GALNT7: variants seen among roughly 807,000 people sequenced by gnomAD.
The protein encoded by GALNT7 is N-acetylgalactosaminyltransferase 7.
Under a neutral mutation model 82.1 loss-of-function variants are expected in GALNT7, and 60 were observed. The observed-to-expected ratio is 0.73, with a 90% confidence interval of 0.59 to 0.91. The LOEUF is 0.91. Among genes scored for constraint, GALNT7 ranks in the 40% least tolerant of loss-of-function variants. GALNT7 has a pLI of 0.00. For synonymous variants in GALNT7, 243 were observed against 275.1 expected (o/e 0.88, Z 1.15); for missense variants, 660 against 804.2 (o/e 0.82, Z 2.17).
At chr4:173,256,459 A>G (rs1402962555) in intron 2 of GALNT7, among the ~76,000 whole-genome samples, 2 of 152,170 alleles carry the variant, frequency 1.3e-5, no homozygotes, top group South Asian at 2.1e-4. Context: ...TGGTTTCTTT[A>G]GGGCTCTGGT....
At chr4:173,201,024 T>A (rs192510989) in intron 1 of GALNT7, among the ~76,000 whole-genome samples, 62 of 152,326 alleles carry the variant, frequency 4.1e-4, no homozygotes, top group African/African-American at 1.1e-3. Context: ...TCTGTGAGAT[T>A]TATCCATCAC....
At chr4:173,240,298 A>C (rs1015100643) in intron 1 of GALNT7, among the ~76,000 whole-genome samples, 1 of 152,108 alleles carries the variant, frequency 6.6e-6, no homozygotes, top group African/African-American at 2.4e-5. Flanking sequence ...TTAAATGTCA[A>C]ATACTTACTA....
At chr4:173,308,479 G>C (rs1378820081) in intron 8 of GALNT7, among the ~76,000 whole-genome samples, 2 of 151,958 alleles carry the variant, frequency 1.3e-5, no homozygotes, top group Non-Finnish European at 2.9e-5. Flanking sequence ...TGCATAATAA[G>C]CAAAATCGAA....
At chr4:173,200,228 C>A (rs1561151373) in intron 1 of GALNT7, among the ~76,000 whole-genome samples, 1 of 152,020 alleles carries the variant, frequency 6.6e-6, no homozygotes, top group East Asian at 1.9e-4. Flanking sequence ...AGTCAGTCAC[C>A]TTTTGCAACA....
chr4:173,252,311 G>C (rs1177141228), intron 2 of GALNT7, among the ~76,000 whole-genome samples: 1 of 152,196 alleles, frequency 6.6e-6, no homozygotes, highest in Non-Finnish European at 1.5e-5. Context: ...TGCCGCTTCA[G>C]AACACAGGCC....
rs1166152735 is a variant in GALNT7, at chr4:173,313,999, A to G, written c.1431A>G (p.Lys477=). The stretch of plus-strand genomic sequence containing the variant: ...TGGAGGTTTGGTGGGATGAATATAA[A>G]GACTACTTCTATGCTAGTCGTCCTG... ...RVVEVWWDEY[K]DYFYASRPES... Residue 477 remains lysine (K), a synonymous_variant, in exon 9 of 12, where the codon AAA becomes AAG. Transcript: ENST00000265000. The G allele has an allele frequency of 6.2e-7, 1 of 1,605,216 alleles. No individual in the cohort carries two copies. Among genetic ancestry groups the G allele is most frequent in the Non-Finnish European group, 8.5e-7 (1 of 1,172,114 alleles).
chr4:173,220,552 C>T (rs1188641389), intron 1 of GALNT7, among the ~76,000 whole-genome samples: 1 of 151,928 alleles, frequency 6.6e-6, no homozygotes, highest in Non-Finnish European at 1.5e-5. Context: ...GCACAATGTG[C>T]AGGTTAGTTA....
At chr4:173,190,446 TG>T (rs1732594706) in intron 1 of GALNT7, among the ~76,000 whole-genome samples, 1 of 152,232 alleles carries the variant, frequency 6.6e-6, no homozygotes, top group Non-Finnish European at 1.5e-5. Flanking sequence ...ATTTTTTAAA[TG>T]ATAAAGTTGT....
chr4:173,226,142 C>T (rs1291574986), intron 1 of GALNT7, among the ~76,000 whole-genome samples: 7 of 152,132 alleles, frequency 4.6e-5, no homozygotes, highest in Non-Finnish European at 1.0e-4. Flanking sequence ...TCACAGTGTC[C>T]ACCACATCTC....
At chr4:173,318,993 CAAAT>C (rs1737706788) in intron 11 of GALNT7, among the ~76,000 whole-genome samples, 1 of 151,950 alleles carries the variant, frequency 6.6e-6, no homozygotes, top group Non-Finnish European at 1.5e-5. Flanking sequence ...TAGAGACAAA[CAAAT>C]AAAACTTGAA....
Position 173,292,535 on chromosome 4 carries a change from C to CA in GALNT7, c.754+266dup, listed in dbSNP as rs1736582683. ...TAGTACACAAAAATTTGGTTGTACA[C>CA]AAAAATTCAGTAAAGTATACCACTG... On this transcript the variant is annotated intron_variant, in intron 3 of 11. Coordinates refer to ENST00000265000, the MANE Select transcript of GALNT7 (RefSeq NM_017423.3). The surrounding 1 kb of genome is among the most constrained non-coding windows in gnomAD (Gnocchi z 4.8). Among the ~76,000 whole-genome samples, 1 of 152,052 alleles carries CA rather than the reference C, an allele frequency of 6.6e-6. No homozygotes were observed. Among genetic ancestry groups the CA allele is most frequent in the Non-Finnish European group, 1.5e-5 (1 of 67,998 alleles).
intron 1 of GALNT7, among the ~76,000 whole-genome samples, chr4:173,197,172 G>C (rs962003555): frequency 4.0e-5 from 6 of 148,888 alleles, no homozygotes; most frequent in African/African-American, 1.5e-4. Flanking sequence ...CTGTGCAAGT[G>C]CTGGAAAGTA....
chr4:173,247,044 G>A (rs1170282470), intron 1 of GALNT7, among the ~76,000 whole-genome samples: 2 of 152,042 alleles, frequency 1.3e-5, no homozygotes, highest in Non-Finnish European at 2.9e-5. Flanking sequence ...TTTAAAAATC[G>A]AAATGCTTAG....
At chr4:173,283,951 A>C (rs111226538) in intron 2 of GALNT7, among the ~76,000 whole-genome samples, 1 of 152,388 alleles carries the variant, frequency 6.6e-6, no homozygotes, top group African/African-American at 2.4e-5. Context: ...GAGAGAAACA[A>C]ACATGTTCCA....
intron 2 of GALNT7, among the ~76,000 whole-genome samples, chr4:173,260,074 A>G (rs921136395): frequency 3.9e-5 from 6 of 152,256 alleles, no homozygotes; most frequent in African/African-American, 1.2e-4. Context: ...CAGGACTATT[A>G]TAAGAAATTC....
chr4:173,294,467 A>G (rs1240878098), intron 3 of GALNT7, among the ~76,000 whole-genome samples: 1 of 152,182 alleles, frequency 6.6e-6, no homozygotes, highest in African/African-American at 2.4e-5. Context: ...AATATTAAGT[A>G]TACAGTCTGA....
At chr4:173,201,198 T>C (rs1732936468) in intron 1 of GALNT7, among the ~76,000 whole-genome samples, 1 of 152,200 alleles carries the variant, frequency 6.6e-6, no homozygotes, top group Non-Finnish European at 1.5e-5. Context: ...TTTTTTCTCC[T>C]GATTTTCTGG....
In GALNT7 at chr4:173,317,646, G is replaced by A. The variant is rs748069163; in HGVS notation, c.1621G>A (p.Glu541Lys). ...NVDWGEIRGFETAYCIDSMGK... is the reference protein window; with the variant it reads ...NVDWGEIRGFKTAYCIDSMGK... Reference sequence around the variant, plus strand: ...TTCATTTTTTTAGATCAGAGGCTTCGAAACTGCTTACTGCATTGATAGCAT... The same window carrying A: ...TTCATTTTTTTAGATCAGAGGCTTCAAAACTGCTTACTGCATTGATAGCAT... The change falls in exon 10 of 12, where the codon GAA becomes AAA. Residue 541 changes from glutamate to lysine, a missense_variant. Physicochemically the swap from Glu to Lys is moderately conservative, Grantham distance 56. Around this residue, in one of 2 missense-constraint regions of GALNT7, gnomAD observed 527 missense variants for 683.5 expected, o/e 0.77. Transcript: ENST00000265000. 8 of 1,609,680 alleles carry A rather than the reference G, an allele frequency of 5.0e-6. No homozygotes were observed. The highest frequency in any genetic ancestry group is 3.3e-5 in the South Asian group (3 of 90,924).
chr4:173,199,889 A>G (rs1732887405), intron 1 of GALNT7, among the ~76,000 whole-genome samples: 1 of 152,192 alleles, frequency 6.6e-6, no homozygotes. Flanking sequence ...GGATTATCAT[A>G]ACGATGACCC....
Sources: allele counts gnomAD v4.1 joint callset (sites outside exome capture counted in the v4.1 genomes callset), GRCh38; gene constraint gnomAD v4.1.1; regional missense constraint gnomAD v4.1.1; non-coding constraint Gnocchi (gnomAD v3.1); transcripts MANE v1.5; gene names NCBI Gene and HGNC (gene_info 2026-07-23, HGNC 2026-07-21).